The following MORC1 variants were observed in gnomAD, a reference collection of about 807,000 sequenced individuals.
MORC1 encodes the protein MORC family CW-type zinc finger 1.
A neutral mutation model predicts 134.9 loss-of-function variants in MORC1; 59 were observed. The ratio of observed to expected loss-of-function variants is 0.44; its 90% CI spans 0.35 to 0.54. MORC1 has a LOEUF of 0.54. Ranked by LOEUF, MORC1 falls within the 20% of genes least tolerant of loss-of-function variation. The pLI, the probability that MORC1 is intolerant of heterozygous loss-of-function variation, is 0.00. For synonymous variants in MORC1, 395 were observed against 391.7 expected, an observed-to-expected ratio of 1.01 and a Z score of -0.10; for missense variants, 947 against 1,134.5, an observed-to-expected ratio of 0.83 and a Z score of 2.37.
chr3:109,002,474 A>G (rs955904255), intron 20 of MORC1, among the ~76,000 whole-genome samples: 4 of 152,200 alleles, frequency 2.6e-5, no homozygotes, highest in Admixed American at 2.0e-4. Flanking sequence ...AGTGGGGTTG[A>G]CCAAGGTTTC....
intron 21 of MORC1, among the ~76,000 whole-genome samples, chr3:108,999,581 G>T (rs911364053): frequency 1.3e-5 from 2 of 152,166 alleles, no homozygotes; most frequent in African/African-American, 4.8e-5. Context: ...ATTGGCACAA[G>T]TGCAATTTAA....
chr3:109,054,427 C>T (rs1949909115), intron 14 of MORC1, among the ~76,000 whole-genome samples: 1 of 152,198 alleles, frequency 6.6e-6, no homozygotes, highest in Non-Finnish European at 1.5e-5. Flanking sequence ...GTGCCCAGAG[C>T]AGGGTTTCTC....
intron 14 of MORC1, among the ~76,000 whole-genome samples, chr3:109,047,996 C>A (rs1949734984): frequency 6.6e-6 from 1 of 152,130 alleles, no homozygotes; most frequent in Non-Finnish European, 1.5e-5. Flanking sequence ...AACATCTTGA[C>A]AAAAAGCCAC....
At chr3:109,064,825 T>G (rs1321879030) in intron 9 of MORC1, among the ~76,000 whole-genome samples, 1 of 152,208 alleles carries the variant, frequency 6.6e-6, no homozygotes, top group Non-Finnish European at 1.5e-5. Flanking sequence ...GGTAGAGATG[T>G]GGACGTTGAA....
At chr3:109,037,662 A>T (rs994011259) in intron 14 of MORC1, among the ~76,000 whole-genome samples, 2 of 152,108 alleles carry the variant, frequency 1.3e-5, no homozygotes, top group Non-Finnish European at 2.9e-5. Flanking sequence ...CTCATTGTTC[A>T]ATTCCCACCT....
intron 3 of MORC1, among the ~76,000 whole-genome samples, chr3:109,107,301 TTG>T (rs993451580): frequency 2.6e-5 from 4 of 152,192 alleles, no homozygotes; most frequent in Non-Finnish European, 5.9e-5. Flanking sequence ...GTGTATCTAT[TTG>T]TCTTTTGGAC....
At chr3:109,097,750 G>A (rs1157683321) in intron 6 of MORC1, among the ~76,000 whole-genome samples, 1 of 152,172 alleles carries the variant, frequency 6.6e-6, no homozygotes, top group Non-Finnish European at 1.5e-5. Context: ...AAACTAAGCA[G>A]TCAATGATTA....
chr3:109,045,119 C>A (rs1949661658), intron 14 of MORC1, among the ~76,000 whole-genome samples: 2 of 151,900 alleles, frequency 1.3e-5, no homozygotes, highest in African/African-American at 2.4e-5. Context: ...AATAAGGAGG[C>A]CTGAAACAGT....
chr3:109,034,373 G>C (rs369779797), intron 15 of MORC1, among the ~76,000 whole-genome samples: 1 of 152,102 alleles, frequency 6.6e-6, no homozygotes, highest in Non-Finnish European at 1.5e-5. Context: ...ACAGATATTA[G>C]AGACTGTCTT....
At chr3:108,999,150 T>C (rs932847821) in intron 21 of MORC1, among the ~76,000 whole-genome samples, 3 of 152,266 alleles carry the variant, frequency 2.0e-5, no homozygotes, top group African/African-American at 7.2e-5. Context: ...TCCGATTAAA[T>C]TTTGACCCTT....
At chr3:109,007,597 T>G (rs1948572074) in intron 17 of MORC1, among the ~76,000 whole-genome samples, 1 of 152,216 alleles carries the variant, frequency 6.6e-6, no homozygotes, top group Admixed American at 6.5e-5. Context: ...GTTTCCATAC[T>G]TTGGCCTGAA....
intron 26 of MORC1, among the ~76,000 whole-genome samples, chr3:108,966,033 G>C (rs1226025401): frequency 6.6e-6 from 1 of 152,132 alleles, no homozygotes; most frequent in African/African-American, 2.4e-5. Flanking sequence ...TTCTATGAAA[G>C]GTAACACTTT....
rs774534280 is a variant in MORC1, at chr3:109,059,831, G to C, written c.1006C>G (p.Gln336Glu). Residue 336 changes from glutamine to glutamate, a missense_variant, in exon 12 of 28, where the codon CAA (glutamine) becomes GAA (glutamate). By Grantham distance (29) the Gln-to-Glu change is conservative (BLOSUM62 2). Transcript: ENST00000232603. ...QRALEDVEAKQKNLKEKQREL... is the reference protein window; with the variant it reads ...QRALEDVEAKEKNLKEKQREL... The stretch of plus-strand genomic sequence containing the variant: ...CTTTGTTTCTCTTTAAGATTCTTTT[G>C]CTTTGCTTCTACATCTTCCAAAGCT... The C allele has an allele frequency of 1.2e-6, 2 of 1,612,266 alleles. No individual in the cohort carries two copies. Among genetic ancestry groups the C allele is most frequent in the South Asian group, 2.2e-5 (2 of 90,826 alleles).
chr3:108,984,986 T>C (rs752768593), intron 22 of MORC1, among the ~76,000 whole-genome samples: 12 of 152,226 alleles, frequency 7.9e-5, no homozygotes, highest in Admixed American at 1.3e-4. Flanking sequence ...GTTTATGTAG[T>C]ATATATAGTT....
intron 9 of MORC1, 29 bp downstream of exon 9, chr3:109,069,603 G>A (rs765977501): frequency 6.5e-7 from 1 of 1,539,180 alleles, no homozygotes; most frequent in East Asian, 2.3e-5. Context: ...TAAAAACTCT[G>A]TGAAGATAAC....
rs111262293 is a variant in MORC1, at chr3:109,086,008, C to G, written c.689+7428G>C. On this transcript the variant is annotated intron_variant, in intron 8 of 27. Transcript: ENST00000232603. ...GCCAAGCACAGAATGACTAATATAA[C>G]ATGTTCTCATTCATATGTAGGAGCT... is the stretch of plus-strand genomic sequence containing the variant. Among the ~76,000 whole-genome samples the G allele has an allele frequency of 8.3e-3, 1,260 of 152,142 alleles. 14 individuals carry two copies. Among genetic ancestry groups the G allele is most frequent in the African/African-American group, 0.019 (796 of 41,508 alleles).
rs781270223 is a variant in MORC1 at position 109,035,353 on chromosome 3, G to C, written c.1446C>G (p.Phe482Leu). Residue 482 changes from phenylalanine (F) to leucine (L), a missense_variant, in exon 15 of 28, where the codon TTC becomes TTG. Phe to Leu is a conservative substitution (Grantham distance 22). This residue lies in a region of MORC1 where 722 missense variants were observed against 817.0 expected (regional missense o/e 0.88). Coordinates refer to ENST00000232603, the MANE Select transcript of MORC1 (RefSeq NM_014429.4). ...YQRRQAMGIPFIIQCDLCLKW... is the reference protein window; with the variant it reads ...YQRRQAMGIPLIIQCDLCLKW... Reference sequence around the variant, plus strand: ...TTCAACACTCACCACATTGTATGATGAATGGGATACCCATGGCTTGTCTTC... The same window carrying C: ...TTCAACACTCACCACATTGTATGATCAATGGGATACCCATGGCTTGTCTTC... 6.3e-7 allele frequency: 1 copy of C among 1,589,198 alleles called. No individual in the cohort carries two copies. Among genetic ancestry groups the C allele is most frequent in the East Asian group, 2.2e-5 (1 of 44,490 alleles).
chr3:108,958,958 C>G lies in MORC1; in HGVS notation c.*7G>C, dbSNP rs750474678. ...AGCATTTTTTAAAAGGTAATACCATCTCTGACTTAATTTTCCGAAGTCTTT... is the reference window on the plus strand; with the variant it reads ...AGCATTTTTTAAAAGGTAATACCATGTCTGACTTAATTTTCCGAAGTCTTT... On this transcript the variant is annotated 3_prime_UTR_variant, in exon 28 of 28. Transcript: ENST00000232603. The G allele has an allele frequency of 5.4e-6, 8 of 1,481,650 alleles. No individual in the cohort carries two copies. Among genetic ancestry groups the G allele is most frequent in the African/African-American group, 1.5e-5 (1 of 67,806 alleles). The allele number at this position is 1,481,650 out of a possible 1,614,324, so 91.8% of individuals were successfully genotyped here. A position where few individuals can be genotyped will look rare whatever the true frequency, so the allele number is the denominator to read the frequency against.
chr3:109,013,032 G>C (rs2107556058), intron 17 of MORC1, among the ~76,000 whole-genome samples: 1 of 152,238 alleles, frequency 6.6e-6, no homozygotes, highest in Non-Finnish European at 1.5e-5. Context: ...GATTTTAGCT[G>C]CAAGTGTTTT....
Sources: gnomAD v4.1 joint callset for allele counts (sites outside exome capture counted in the v4.1 genomes callset) on GRCh38, gnomAD v4.1.1 for gene constraint, gnomAD v4.1.1 regional missense constraint, MANE v1.5 for transcripts, NCBI Gene and HGNC (gene_info 2026-07-23, HGNC 2026-07-21) for gene names.